SCAF11: variants seen among roughly 807,000 people sequenced by gnomAD.
The protein encoded by SCAF11 is protein SCAF11.
In SCAF11, 47 loss-of-function variants were observed where a neutral mutation model predicts 140.5. That is an observed-to-expected ratio of 0.33 (90% CI 0.26 to 0.43). The LOEUF (loss-of-function observed/expected upper bound fraction) is 0.43, where lower values mean the gene tolerates loss of function less well. Ranked by LOEUF, SCAF11 falls within the 20% of genes least tolerant of loss-of-function variation. The probability of loss-of-function intolerance (pLI) is 1.00; values close to 1 mark genes in which losing one functional copy is unlikely to be tolerated. For synonymous variants in SCAF11, 557 were observed against 579.4 expected (o/e 0.96, Z 0.55); for missense variants, 1,645 against 1,705.1 (o/e 0.96, Z 0.62).
chr12:45,980,382 A>G (rs2136660913), intron 1 of SCAF11, among the ~76,000 whole-genome samples: 1 of 152,326 alleles, frequency 6.6e-6, no homozygotes, highest in East Asian at 1.9e-4. Context: ...TAGCAACCAT[A>G]GCACATGTTA....
chr12:45,964,430 G>C (rs1945894772), intron 1 of SCAF11, among the ~76,000 whole-genome samples: 2 of 152,158 alleles, frequency 1.3e-5, no homozygotes, highest in Admixed American at 1.3e-4. Flanking sequence ...CACTTTGGGA[G>C]GCCGAGGCGG....
At chr12:45,958,217 T>C (rs1285276508) in intron 3 of SCAF11, among the ~76,000 whole-genome samples, 3 of 152,106 alleles carry the variant, frequency 2.0e-5, no homozygotes, top group Non-Finnish European at 4.4e-5. Flanking sequence ...TAAATCCCAT[T>C]TACTTAACCT....
At chr12:45,987,470 G>C (rs917225314) in intron 1 of SCAF11, among the ~76,000 whole-genome samples, 4 of 152,194 alleles carry the variant, frequency 2.6e-5, no homozygotes, top group Admixed American at 2.6e-4. Context: ...GACAAATGCT[G>C]ATCTCACAGA....
intron 5 of SCAF11, among the ~76,000 whole-genome samples, chr12:45,946,067 A>T (rs1188057786): frequency 6.6e-6 from 1 of 152,176 alleles, no homozygotes; most frequent in Non-Finnish European, 1.5e-5. Context: ...ACTAGAGGTA[A>T]GCAGATATTG....
Position 45,928,550 on chromosome 12 carries a change from G to C in SCAF11, c.1151C>G (p.Pro384Arg). 2 of 1,614,102 alleles carry C rather than the reference G, an allele frequency of 1.2e-6. No homozygotes were observed. Among genetic ancestry groups the C allele is most frequent in the Non-Finnish European group, 1.7e-6 (2 of 1,180,000 alleles). Residue 384 changes from proline (P) to arginine (R), a missense_variant, in exon 11 of 15, where the codon CCT (proline) becomes CGT (arginine). By Grantham distance (103) the Pro-to-Arg change is moderately radical (BLOSUM62 -2). Transcript: ENST00000369367. ...RKSVRRGRKP[P>R]LLKKKLRSSV... ...GCTCCGAAGTTTCTTTTTCAGTAAA[G>C]GTGGTTTTCTTCCTCTTCTTACAGA...
chr12:45,937,415 T>C (rs991670957), intron 6 of SCAF11, among the ~76,000 whole-genome samples: 1 of 152,244 alleles, frequency 6.6e-6, no homozygotes. Context: ...TTTTTCAGCA[T>C]TGGGTCTGTC....
rs147802299 is a variant in SCAF11, at chr12:45,965,525, G to A, written c.-21-1337C>T. On this transcript the variant is annotated intron_variant, in intron 1 of 14. Transcript: ENST00000369367. ...GATGGGGTCTTGCTGTGTTTCCCAG[G>A]CTGGTCTCCAACTCCTGGGCTCAAG... Among the ~76,000 whole-genome samples the A allele has an allele frequency of 7.2e-3, 1,090 of 152,070 alleles. 10 individuals carry two copies. The highest frequency in any genetic ancestry group is 0.025 in the African/African-American group (1,032 of 41,486).
At chr12:45,950,555 G>C (rs1184447671) in intron 4 of SCAF11, among the ~76,000 whole-genome samples, 1 of 152,212 alleles carries the variant, frequency 6.6e-6, no homozygotes, top group East Asian at 1.9e-4. Flanking sequence ...AACAGCGTTT[G>C]GAAAAATGGA....
chr12:45,990,470 C>A lies in SCAF11; in HGVS notation c.-139G>T. ...CTCCTTCGTCCGCTTTGTGGTGTTA[C>A]AGGGTCTCTAGGACACTGACTCCGC... On this transcript the variant is annotated 5_prime_UTR_variant, in exon 1 of 15. Coordinates refer to ENST00000369367, the MANE Select transcript of SCAF11 (RefSeq NM_004719.3). 3 of 1,231,494 alleles carry A rather than the reference C, an allele frequency of 2.4e-6. No individual in the cohort carries two copies. Among genetic ancestry groups the A allele is most frequent in the Non-Finnish European group, 3.0e-6 (3 of 987,942 alleles). The allele number at this position is 1,231,494 out of a possible 1,614,324, so 76.3% of individuals were successfully genotyped here. A position where few individuals can be genotyped will look rare whatever the true frequency, so the allele number is the denominator to read the frequency against.
At chr12:45,977,959 G>A (rs1023458568) in intron 1 of SCAF11, among the ~76,000 whole-genome samples, 1 of 152,140 alleles carries the variant, frequency 6.6e-6, no homozygotes, top group African/African-American at 2.4e-5. Context: ...TAGCATGGGT[G>A]ATCACCAAAA....
At chr12:45,932,899 T>C (rs542411076) in intron 9 of SCAF11, among the ~76,000 whole-genome samples, 1 of 152,254 alleles carries the variant, frequency 6.6e-6, no homozygotes, top group African/African-American at 2.4e-5. Flanking sequence ...TTTAAATAAA[T>C]CTAGCATATA....
rs146678365 is a variant in SCAF11, at chr12:45,974,658, A to G, written c.-21-10470T>C. On this transcript the variant is annotated intron_variant, in intron 1 of 14. Transcript: ENST00000369367. ...GTCTTCAGGCTCCACTTCTAATTCT[A>G]TAATAGTTCTCCTGCTGTTTATACC... 44 of 172,928 alleles carry G rather than the reference A, an allele frequency of 2.5e-4. No homozygotes were observed. In the East Asian group the frequency reaches 5.2e-3, roughly 21 times the overall value. 10.7% of individuals were successfully genotyped at this position (172,928 alleles called of 1,614,324 possible). A position where few individuals can be genotyped will look rare whatever the true frequency, so the allele number is the denominator to read the frequency against.
chr12:45,949,219 TC>T (rs1213739420), intron 4 of SCAF11, among the ~76,000 whole-genome samples: 1 of 152,124 alleles, frequency 6.6e-6, no homozygotes, highest in African/African-American at 2.4e-5. Flanking sequence ...ATAGACTAGA[TC>T]TATGCTGTCC....
chr12:45,982,784 C>T (rs537173775), intron 1 of SCAF11, among the ~76,000 whole-genome samples: 14 of 152,214 alleles, frequency 9.2e-5, no homozygotes, highest in African/African-American at 2.9e-4. Context: ...TTGTTTTGGC[C>T]GCTGTCTTTC....
intron 5 of SCAF11, among the ~76,000 whole-genome samples, chr12:45,945,781 C>T (rs1285412816): frequency 6.6e-6 from 1 of 152,020 alleles, no homozygotes; most frequent in Non-Finnish European, 1.5e-5. Flanking sequence ...GATCCTCCCG[C>T]CTTGGCCTCC....
At chr12:45,934,531 G>T in intron 6 of SCAF11, 26 bp from the exon 7 acceptor site, 3 of 1,486,134 alleles carry the variant, frequency 2.0e-6, no homozygotes, top group Non-Finnish European at 2.7e-6. Context: ...AAAGGACTTG[G>T]TTACCTTGTA....
At chr12:45,965,869 T>C (rs1228326987) in intron 1 of SCAF11, among the ~76,000 whole-genome samples, 3 of 152,230 alleles carry the variant, frequency 2.0e-5, no homozygotes, top group Non-Finnish European at 2.9e-5. Context: ...CCCAGACTTA[T>C]AGTTCAAAAA....
At chr12:45,961,019 T>G (rs567440094) in intron 3 of SCAF11, 2 of 282,384 alleles carry the variant, frequency 7.1e-6, no homozygotes, top group East Asian at 1.1e-4. Flanking sequence ...TTCAAAGTAT[T>G]TGGCCCAAAT....
chr12:45,927,470 ATTTG>A lies in SCAF11; in HGVS notation c.2227_2230del (p.Gln743Ter). On this transcript the variant is annotated frameshift_variant, in exon 11 of 15. Coordinates refer to ENST00000369367, the MANE Select transcript of SCAF11 (RefSeq NM_004719.3). LOFTEE classifies it high-confidence loss of function. ...ACAGTGTGTCACAGAATTTTCATTC[ATTTG>A]TTTAAGATCAGCATTTACAGATGGT... The A allele has an allele frequency of 6.2e-7, 1 of 1,613,450 alleles. No individual in the cohort carries two copies. Among genetic ancestry groups the A allele is most frequent in the Non-Finnish European group, 8.5e-7 (1 of 1,179,870 alleles).
Sources: gnomAD v4.1 joint callset for allele counts (sites outside exome capture counted in the v4.1 genomes callset) on GRCh38, gnomAD v4.1.1 for gene constraint, MANE v1.5 for transcripts, NCBI Gene and HGNC (gene_info 2026-07-23, HGNC 2026-07-21) for gene names.